Variants in PPP2R2B observed in about 807,000 individuals in gnomAD.
The protein encoded by PPP2R2B is serine/threonine-protein phosphatase 2A 55 kDa regulatory subunit B beta isoform.
In PPP2R2B, 5 loss-of-function variants were observed where a neutral mutation model predicts 46.0. The observed-to-expected ratio is 0.11, with a 90% CI of 0.06 to 0.23. The LOEUF is 0.23. Among genes scored for constraint, PPP2R2B ranks in the 10% least tolerant of loss-of-function variants. The pLI, the probability that PPP2R2B is intolerant of heterozygous loss-of-function variation, is 1.00. For missense variants in PPP2R2B, 367 were observed against 575.0 expected, an observed-to-expected ratio of 0.64 and a Z score of 3.70; for synonymous variants, 215 against 206.7, an observed-to-expected ratio of 1.04 and a Z score of -0.34.
intron 1 of PPP2R2B, among the ~76,000 whole-genome samples, chr5:146,887,276 A>G (rs1233498764): frequency 6.6e-6 from 1 of 152,168 alleles, no homozygotes; most frequent in African/African-American, 2.4e-5. Context: ...AGGGGCTGGT[A>G]ACCATGGTTA....
At chr5:146,814,180 G>C (rs1324276203) in intron 2 of PPP2R2B, among the ~76,000 whole-genome samples, 1 of 144,434 alleles carries the variant, frequency 6.9e-6, no homozygotes, top group South Asian at 2.2e-4. Flanking sequence ...ACTGAAGGTA[G>C]AGAAAACAGC....
At chr5:146,799,676 T>C (rs1756749954) in intron 2 of PPP2R2B, among the ~76,000 whole-genome samples, 1 of 152,184 alleles carries the variant, frequency 6.6e-6, no homozygotes, top group Admixed American at 6.5e-5. Flanking sequence ...CATCAAAAGC[T>C]TAGGAAAAAA....
At chr5:146,704,385 C>T (rs2151171556) in intron 2 of PPP2R2B, among the ~76,000 whole-genome samples, 1 of 152,310 alleles carries the variant, frequency 6.6e-6, no homozygotes, top group Admixed American at 6.5e-5. Flanking sequence ...CCACAGAAAT[C>T]AATTCATCAA....
intron 4 of PPP2R2B, among the ~76,000 whole-genome samples, chr5:146,692,952 CT>C (rs1778957354): frequency 6.6e-6 from 1 of 152,160 alleles, no homozygotes; most frequent in African/African-American, 2.4e-5. Context: ...TTTAACATAT[CT>C]TTTTGAAGGC....
intron 2 of PPP2R2B, among the ~76,000 whole-genome samples, chr5:146,732,647 T>C (rs913505399): frequency 2.6e-5 from 4 of 152,190 alleles, no homozygotes; most frequent in Admixed American, 1.3e-4. Flanking sequence ...CAGACTATAA[T>C]AGGCAACAAA....
chr5:146,934,508 C>T (rs184324370), intron 1 of PPP2R2B, among the ~76,000 whole-genome samples: 2,402 of 145,310 alleles, frequency 0.017, 21 homozygotes, highest in Non-Finnish European at 0.029. Context: ...TCATGTCCTT[C>T]GCCCACTTTT....
In PPP2R2B at chr5:146,609,661, C is replaced by A. The variant is rs1038173209; in HGVS notation, c.791-9201G>T. ...GCACCGTGCGCGAGCCGAAGCAGGGCGAGGCATTGCCTCACCTGGGAAGCG... is the reference window on the plus strand; with the variant it reads ...GCACCGTGCGCGAGCCGAAGCAGGGAGAGGCATTGCCTCACCTGGGAAGCG... On this transcript the variant is annotated intron_variant, in intron 7 of 9. Transcript: ENST00000394411. Among the ~76,000 whole-genome samples the A allele has an allele frequency of 8.5e-4, 126 of 148,862 alleles. 2 individuals are homozygous for A. The East Asian group carries it at 0.021, about 25-fold the overall frequency.
intron 1 of PPP2R2B, among the ~76,000 whole-genome samples, chr5:146,887,549 C>T (rs1015504681): frequency 2.0e-5 from 3 of 152,004 alleles, no homozygotes; most frequent in Non-Finnish European, 4.4e-5. Context: ...TGCATTTTCC[C>T]CTAAAACTAG....
intron 2 of PPP2R2B, among the ~76,000 whole-genome samples, chr5:147,065,956 AC>A (rs1757403194): frequency 6.6e-6 from 1 of 151,932 alleles, no homozygotes; most frequent in Non-Finnish European, 1.5e-5. Context: ...TATTCTCAGG[AC>A]CCCCAGGCTC....
chr5:146,915,998 G>A (rs926945477), intron 1 of PPP2R2B, among the ~76,000 whole-genome samples: 2 of 152,142 alleles, frequency 1.3e-5, no homozygotes, highest in South Asian at 2.1e-4. Flanking sequence ...TGTAAGACAC[G>A]TGACTTTCAC....
Position 146,981,068 on chromosome 5 carries a change from T to G in PPP2R2B, c.79+74597A>C, listed in dbSNP as rs150096994. ...AATACTGTATTTCTTACTCATTTTT[T>G]TTTGTTTGTTTATTGTATGTCTCCC... is the stretch of plus-strand genomic sequence containing the variant. On this transcript the variant is annotated intron_variant, in intron 1 of 8. Transcript: ENST00000336640. 8.2e-4 allele frequency among the ~76,000 whole-genome samples: 125 copies of G among 152,306 alleles called. 4 individuals carry two copies. Among genetic ancestry groups the G allele is most frequent in the Admixed American group, 2.2e-3 (33 of 15,300 alleles).
chr5:146,608,746 C>T (rs1298472587), intron 7 of PPP2R2B, among the ~76,000 whole-genome samples: 1 of 152,134 alleles, frequency 6.6e-6, no homozygotes, highest in Non-Finnish European at 1.5e-5. Flanking sequence ...GATCATGCCA[C>T]TGCACTCCAG....
intron 5 of PPP2R2B, among the ~76,000 whole-genome samples, chr5:146,681,362 G>T (rs1323095594): frequency 6.6e-6 from 1 of 152,120 alleles, no homozygotes; most frequent in Non-Finnish European, 1.5e-5. Context: ...GCAATGCCCT[G>T]CTTGGGTGTT....
intron 2 of PPP2R2B, among the ~76,000 whole-genome samples, chr5:146,712,651 C>T (rs1780276716): frequency 6.6e-6 from 1 of 152,214 alleles, no homozygotes; most frequent in Non-Finnish European, 1.5e-5. Flanking sequence ...TGTCACCCCA[C>T]TGATCACCAG....
intron 1 of PPP2R2B, among the ~76,000 whole-genome samples, chr5:147,047,778 G>A (rs1006784933): frequency 2.0e-5 from 3 of 152,144 alleles, no homozygotes; most frequent in Non-Finnish European, 4.4e-5. Context: ...GCTCAACATA[G>A]TTTCACTGAA....
intron 1 of PPP2R2B, among the ~76,000 whole-genome samples, chr5:146,901,565 G>A (rs754139015): frequency 7.2e-5 from 11 of 152,068 alleles, no homozygotes; most frequent in Non-Finnish European, 1.0e-4. Context: ...CAACCTATCT[G>A]TTGAATCTCA....
chr5:146,718,690 C>T (rs1221403434), intron 2 of PPP2R2B, among the ~76,000 whole-genome samples: 2 of 152,194 alleles, frequency 1.3e-5, no homozygotes, highest in East Asian at 3.8e-4. Context: ...TCCACCCTTT[C>T]AATTTGCAGG....
intron 7 of PPP2R2B, among the ~76,000 whole-genome samples, chr5:146,604,675 T>G (rs1772093945): frequency 6.6e-6 from 1 of 152,164 alleles, no homozygotes; most frequent in Admixed American, 6.5e-5. Flanking sequence ...TTAAATACAT[T>G]ATTGCATTTT....
At chr5:146,875,262 T>C (rs932667074) in intron 2 of PPP2R2B, among the ~76,000 whole-genome samples, 3 of 152,022 alleles carry the variant, frequency 2.0e-5, no homozygotes, top group African/African-American at 7.3e-5. Flanking sequence ...ACATAGAAGA[T>C]GCTCAAAGAT....
Sources: gnomAD v4.1 joint callset for allele counts (sites outside exome capture counted in the v4.1 genomes callset) on GRCh38, gnomAD v4.1.1 for gene constraint, MANE v1.5 for transcripts, NCBI Gene and HGNC (gene_info 2026-07-23, HGNC 2026-07-21) for gene names.